Variants in ABL1 observed in about 807,000 individuals in gnomAD.
The protein encoded by ABL1 is tyrosine-protein kinase ABL1.
In ABL1, 11 loss-of-function variants were observed where a neutral mutation model predicts 94.7. The observed-to-expected ratio is 0.12, with a 90% CI of 0.07 to 0.19. ABL1 has a LOEUF of 0.19. Ranked by LOEUF, ABL1 falls within the 10% of genes least tolerant of loss-of-function variation. The pLI is 1.00. For synonymous variants in ABL1, 656 were observed against 622.4 expected, an observed-to-expected ratio of 1.05 and a Z score of -0.80; for missense variants, 1,082 against 1,489.4, an observed-to-expected ratio of 0.73 and a Z score of 4.50.
Position 130,854,175 on chromosome 9 carries a change from A to C in ABL1, c.191A>C (p.Asn64Thr). The change falls in exon 2 of 11, where the codon AAC (asparagine) becomes ACC (threonine). Residue 64 changes from asparagine to threonine, a missense_variant. Coordinates refer to ENST00000318560, the MANE Select transcript of ABL1 (RefSeq NM_005157.6). ...LLAGPSENDP[N>T]LFVALYDFVA... ...GCTGGACCCAGTGAAAATGACCCCAACCTTTTCGTTGCACTGTATGATTTT... is the reference window on the plus strand; with the variant it reads ...GCTGGACCCAGTGAAAATGACCCCACCCTTTTCGTTGCACTGTATGATTTT... 1.2e-6 allele frequency: 2 copies of C among 1,614,032 alleles called. No homozygotes were observed. Among genetic ancestry groups the C allele is most frequent in the East Asian group, 2.2e-5 (1 of 44,882 alleles).
At chr9:130,724,768 AAAG>A (rs1222668093) in intron 1 of ABL1, 8 of 470,510 alleles carry the variant, frequency 1.7e-5, no homozygotes, top group African/African-American at 1.0e-4. Flanking sequence ...AAAAAAAAAA[AAAG>A]CAAATAAATT....
intron 1 of ABL1, among the ~76,000 whole-genome samples, chr9:130,752,638 G>T (rs1478878394): frequency 6.6e-6 from 1 of 152,062 alleles, no homozygotes; most frequent in Non-Finnish European, 1.5e-5. Flanking sequence ...TGAAAATTAG[G>T]GTGTGCTGCT....
intron 1 of ABL1, among the ~76,000 whole-genome samples, chr9:130,739,668 A>G (rs777265061): frequency 2.6e-5 from 4 of 152,208 alleles, no homozygotes; most frequent in Non-Finnish European, 5.9e-5. Flanking sequence ...TCAGGAACTC[A>G]TAATTACTGT....
rs548687854 is a variant in ABL1, at chr9:130,759,011, C to T, written c.136+44556C>T. Reference sequence around the variant, plus strand: ...GAAGTGCTTTGGAACCTCTTTCGGTCCGAACACTGAGCTGGTCATTGCTGT... The same window carrying T: ...GAAGTGCTTTGGAACCTCTTTCGGTTCGAACACTGAGCTGGTCATTGCTGT... On this transcript the variant is annotated intron_variant, in intron 1 of 10. Transcript: ENST00000372348. 3.0e-4 allele frequency among the ~76,000 whole-genome samples: 45 copies of T among 152,210 alleles called. 1 individual carries two copies. The East Asian group carries it at 8.3e-3, about 28-fold the overall frequency.
In ABL1 at chr9:130,835,755, C is replaced by A. The variant is rs1012690261; in HGVS notation, c.79+230C>A. On this transcript the variant is annotated intron_variant, in intron 1 of 10. Coordinates refer to ENST00000318560, the MANE Select transcript of ABL1 (RefSeq NM_005157.6). This position sits in a 1 kb window ranked among gnomAD's most constrained non-coding sequence, Gnocchi z 4.6. ...TCTCTTCTCTTGTCTCTCTCTTTTT[C>A]TCTCTCTCTGTCTCTTTCTCTTTCT... Among the ~76,000 whole-genome samples, 1 of 149,008 alleles carries A rather than the reference C, an allele frequency of 6.7e-6. No individual in the cohort carries two copies. The highest frequency in any genetic ancestry group is 2.4e-5 in the African/African-American group (1 of 40,954).
intron 10 of ABL1, among the ~76,000 whole-genome samples, chr9:130,883,102 C>T (rs1043322808): frequency 3.3e-5 from 5 of 152,268 alleles, no homozygotes; most frequent in Admixed American, 6.5e-5. Context: ...AAGTCCCAGC[C>T]GGGCTACAGC....
At chr9:130,732,936 C>T (rs372349182) in intron 1 of ABL1, among the ~76,000 whole-genome samples, 10 of 152,032 alleles carry the variant, frequency 6.6e-5, no homozygotes, top group African/African-American at 1.4e-4. Flanking sequence ...GATGAAATTG[C>T]GAAATCTTAA....
At chr9:130,795,667 T>C (rs1346386127) in intron 1 of ABL1, among the ~76,000 whole-genome samples, 1 of 152,230 alleles carries the variant, frequency 6.6e-6, no homozygotes, top group Non-Finnish European at 1.5e-5. Flanking sequence ...TTTTTCACTT[T>C]GTAAACATGA....
intron 1 of ABL1, among the ~76,000 whole-genome samples, chr9:130,757,536 CTTTTTT>C (rs11411714): frequency 7.8e-4 from 79 of 101,894 alleles, no homozygotes; most frequent in African/African-American, 3.0e-3. Flanking sequence ...TACTCCAGGC[CTTTTTT>C]TTTTTTTTTT....
chr9:130,841,307 C>G (rs1005564673), intron 1 of ABL1, among the ~76,000 whole-genome samples: 15 of 151,908 alleles, frequency 9.9e-5, no homozygotes, highest in Admixed American at 2.0e-4. Context: ...GGGGGTTTCA[C>G]CATGTTAGCC....
intron 6 of ABL1, among the ~76,000 whole-genome samples, chr9:130,873,775 A>G (rs1012540537): frequency 2.6e-5 from 4 of 152,140 alleles, no homozygotes; most frequent in Admixed American, 2.6e-4. Flanking sequence ...GGCGTCTTTT[A>G]TACGAGATGT....
At chr9:130,800,166 C>G (rs1056796850) in intron 1 of ABL1, among the ~76,000 whole-genome samples, 3 of 152,026 alleles carry the variant, frequency 2.0e-5, no homozygotes, top group Admixed American at 2.0e-4. Flanking sequence ...GCCACCGCAC[C>G]CAACTATAAA....
Position 130,826,951 on chromosome 9 carries a change from G to A in ABL1, c.137-27113G>A, listed in dbSNP as rs188008036. On this transcript the variant is annotated intron_variant, in intron 1 of 10. Transcript: ENST00000372348. ...AAATTAGCCGGGCGTGGTGGCGGGC[G>A]CCTGTAGTCCCAGCTACTCAGGAGG... is the stretch of plus-strand genomic sequence containing the variant. Among the ~76,000 whole-genome samples, 952 of 152,280 alleles carry A rather than the reference G, an allele frequency of 6.3e-3. 9 individuals are homozygous for A. The highest frequency in any genetic ancestry group is 1.0e-2 in the Non-Finnish European group (678 of 68,024).
At chr9:130,774,450 C>T (rs1218844707) in intron 1 of ABL1, among the ~76,000 whole-genome samples, 1 of 151,930 alleles carries the variant, frequency 6.6e-6, no homozygotes, top group Non-Finnish European at 1.5e-5. Context: ...TCAGACTGCC[C>T]TATAAAGCTA....
Position 130,797,671 on chromosome 9 carries a change from C to A in ABL1, c.137-56393C>A, listed in dbSNP as rs143830801. On this transcript the variant is annotated intron_variant, in intron 1 of 10. Coordinates refer to the ABL1 transcript ENST00000372348. ...ATTACAAGTCACCACGCCTGGCTTC[C>A]GTATTTAAGTATTAGGTGGTGACTC... 3.3e-5 allele frequency among the ~76,000 whole-genome samples: 5 copies of A among 152,298 alleles called. No homozygotes were observed. The East Asian group carries it at 7.7e-4, about 23-fold the overall frequency.
intron 1 of ABL1, among the ~76,000 whole-genome samples, chr9:130,766,820 C>A (rs1473142660): frequency 6.6e-6 from 1 of 152,190 alleles, no homozygotes; most frequent in Non-Finnish European, 1.5e-5. Flanking sequence ...CTCCTGTTGC[C>A]ATCTGGGTCT....
intron 1 of ABL1, among the ~76,000 whole-genome samples, chr9:130,716,209 C>T (rs566597155): frequency 6.6e-6 from 1 of 151,018 alleles, no homozygotes; most frequent in African/African-American, 2.4e-5. Flanking sequence ...ATTCTCCTGC[C>T]TCAGCCTCCC....
At chr9:130,879,978 C>A (rs1204117895) in intron 8 of ABL1, 90 bp from the exon 9 acceptor site, 2 of 1,224,926 alleles carry the variant, frequency 1.6e-6, no homozygotes, top group Non-Finnish European at 2.4e-6. Flanking sequence ...TGGAATGTTG[C>A]TTTCATTCTA....
intron 1 of ABL1, among the ~76,000 whole-genome samples, chr9:130,836,354 G>GA (rs887011486): frequency 6.6e-5 from 10 of 151,702 alleles, no homozygotes; most frequent in African/African-American, 9.7e-5. Context: ...TTTATAAATG[G>GA]AAAAAAAGTA....
Sources: allele counts gnomAD v4.1 joint callset (sites outside exome capture counted in the v4.1 genomes callset), GRCh38; gene constraint gnomAD v4.1.1; non-coding constraint Gnocchi (gnomAD v3.1); transcripts MANE v1.5; gene names NCBI Gene and HGNC (gene_info 2026-07-23, HGNC 2026-07-21).